NBDY: variants seen among roughly 807,000 people sequenced by gnomAD.
NBDY encodes P-body dissociating protein.
At chrX:56,735,734 A>G (rs2069485217) in intron 2 of NBDY, among the ~76,000 whole-genome samples, 1 of 111,588 alleles carries the variant, frequency 9.0e-6, no homozygotes, top group South Asian at 3.8e-4. Context: ...GGAGAGATCT[A>G]CTCAGGAAAA....
chrX:56,746,762 A>G (rs2069560146), intron 2 of NBDY, among the ~76,000 whole-genome samples: 1 of 111,178 alleles, frequency 9.0e-6, no homozygotes, highest in Admixed American at 9.6e-5. Context: ...TCTAGAGGCC[A>G]CCCAAATTCC....
chrX:56,815,734 TG>T (rs2069907857), intron 2 of NBDY, among the ~76,000 whole-genome samples: 1 of 112,194 alleles, frequency 8.9e-6, no homozygotes, highest in South Asian at 3.6e-4. Context: ...GTGGTTACTA[TG>T]AGATATTATT....
intron 2 of NBDY, among the ~76,000 whole-genome samples, chrX:56,803,532 T>C (rs2069834562): frequency 1.8e-5 from 2 of 111,617 alleles, no homozygotes; most frequent in African/African-American, 6.5e-5. Flanking sequence ...GCCTGGCTGC[T>C]CTGTCCCTGG....
At chrX:56,742,042 C>A (rs1398995742) in intron 2 of NBDY, among the ~76,000 whole-genome samples, 1 of 111,668 alleles carries the variant, frequency 9.0e-6, no homozygotes, top group East Asian at 2.8e-4. Context: ...TTTCATTCTT[C>A]TGCATATGGA....
intron 2 of NBDY, among the ~76,000 whole-genome samples, chrX:56,807,939 A>G (rs183619539): frequency 8.9e-6 from 1 of 111,750 alleles, no homozygotes; most frequent in East Asian, 2.8e-4. Flanking sequence ...TCAGTATGAT[A>G]TTGGCTGTGG....
At chrX:56,764,124 A>C (rs1257570920) in intron 2 of NBDY, among the ~76,000 whole-genome samples, 3 of 112,002 alleles carry the variant, frequency 2.7e-5, no homozygotes, top group Non-Finnish European at 1.9e-5. Context: ...TCTCCGAAAA[A>C]AAGGGCAGGT....
At chrX:56,807,122 G>A (rs1450142918) in intron 2 of NBDY, among the ~76,000 whole-genome samples, 1 of 111,958 alleles carries the variant, frequency 8.9e-6, no homozygotes, top group Non-Finnish European at 1.9e-5. Flanking sequence ...TTAGGTGGCT[G>A]TAGATGTGTG....
intron 2 of NBDY, among the ~76,000 whole-genome samples, chrX:56,767,610 A>C (rs972406970): frequency 1.8e-5 from 2 of 113,505 alleles, no homozygotes; most frequent in East Asian, 5.6e-4. Flanking sequence ...CTGCCTGCCC[A>C]GGGCAGTGAG....
chrX:56,813,028 C>A (rs1052570765), intron 2 of NBDY, among the ~76,000 whole-genome samples: 5 of 109,924 alleles, frequency 4.5e-5, no homozygotes, highest in African/African-American at 6.6e-5. Flanking sequence ...CATCACACAC[C>A]GGGGCCTGTC....
intron 2 of NBDY, among the ~76,000 whole-genome samples, chrX:56,747,429 G>C (rs1269743831): frequency 9.0e-6 from 1 of 111,529 alleles, no homozygotes; most frequent in Non-Finnish European, 1.9e-5. Flanking sequence ...ATTGTAGATG[G>C]GTAAAGAACT....
At chrX:56,783,173 C>G (rs2069705639) in intron 2 of NBDY, among the ~76,000 whole-genome samples, 1 of 113,009 alleles carries the variant, frequency 8.8e-6, no homozygotes, top group South Asian at 3.6e-4. Context: ...GAACTCCTTG[C>G]TGGCTCTTGG....
chrX:56,754,210 G>A lies in NBDY; in HGVS notation c.*166+22011G>A, dbSNP rs760971653. Among the ~76,000 whole-genome samples the A allele has an allele frequency of 2.1e-3, 228 of 111,160 alleles. 1 individual carries two copies. Among genetic ancestry groups the A allele is most frequent in the Middle Eastern group, 9.3e-3 (2 of 216 alleles). The stretch of plus-strand genomic sequence containing the variant: ...CTTAGGAGAGGAGGAGAATTGAAGG[G>A]AGAAATAAACAGTTCCACAATAATA... On this transcript the variant is annotated intron_variant, in intron 2 of 2. Coordinates refer to ENST00000374922, the MANE Select transcript of NBDY (RefSeq NM_001348129.2).
intron 2 of NBDY, among the ~76,000 whole-genome samples, chrX:56,796,012 T>C (rs934135435): frequency 9.0e-6 from 1 of 111,519 alleles, no homozygotes; most frequent in Non-Finnish European, 1.9e-5. Flanking sequence ...CATAAGTGTC[T>C]GCCCAGACAC....
chrX:56,738,391 G>C (rs1219255469), intron 2 of NBDY, among the ~76,000 whole-genome samples: 1 of 111,708 alleles, frequency 9.0e-6, no homozygotes, highest in African/African-American at 3.3e-5. Flanking sequence ...TTCTGCAGTG[G>C]ACACCAGCTG....
Position 56,729,440 on chromosome X carries a change from C to T in NBDY, c.87C>T (p.Leu29=). 1 of 297,878 alleles carries T rather than the reference C, an allele frequency of 3.4e-6. No homozygotes were observed. The highest frequency in any genetic ancestry group is 5.9e-6 in the Non-Finnish European group (1 of 170,343). 24.5% of individuals were successfully genotyped at this position (297,878 alleles called of 1,213,427 possible). The change falls in exon 1 of 3, where the codon CTC becomes CTT. Residue 29 remains leucine (L), a synonymous_variant. Coordinates refer to ENST00000374922, the MANE Select transcript of NBDY (RefSeq NM_001348129.2). ...CCAAGCCTCCAAAAAAGCGCTGCCT[C>T]CTCGCTCCGCGTTGGGATTATCCGG... ...REAKPPKKRC[L]LAPRWDYPEG...
chrX:56,789,196 G>A (rs1388208191), intron 2 of NBDY, among the ~76,000 whole-genome samples: 1 of 112,875 alleles, frequency 8.9e-6, no homozygotes, highest in East Asian at 2.8e-4. Flanking sequence ...CCTACAGCAG[G>A]GATCCCCACC....
intron 2 of NBDY, among the ~76,000 whole-genome samples, chrX:56,794,788 G>C (rs1462892718): frequency 8.9e-6 from 1 of 112,414 alleles, no homozygotes; most frequent in Admixed American, 9.3e-5. Context: ...TCTCTAGGCA[G>C]CAGTCTTTTT....
At chrX:56,800,910 T>A (rs779418101) in intron 2 of NBDY, among the ~76,000 whole-genome samples, 11 of 110,663 alleles carry the variant, frequency 9.9e-5, no homozygotes, top group Non-Finnish European at 5.7e-5. Context: ...GGTGGCTCAT[T>A]ACCTCCTTTC....
intron 2 of NBDY, among the ~76,000 whole-genome samples, chrX:56,751,130 A>G (rs1482791420): frequency 9.2e-6 from 1 of 109,181 alleles, no homozygotes; most frequent in African/African-American, 3.3e-5. Flanking sequence ...AAACTCACAC[A>G]ACTTTTTTTT....
Sources: allele counts gnomAD v4.1 joint callset (sites outside exome capture counted in the v4.1 genomes callset), GRCh38; gene constraint gnomAD v4.1.1; transcripts MANE v1.5; gene names NCBI Gene and HGNC (gene_info 2026-07-23, HGNC 2026-07-21).